The following SPMAP2L variants were observed in gnomAD, a reference collection of about 807,000 sequenced individuals.
SPMAP2L encodes the protein sperm microtubule associated protein 2 like.
At chr4:56,557,419 G>C in the SPMAP2L span, among the ~76,000 whole-genome samples, 5 of 152,182 alleles carry the variant, frequency 3.3e-5, no homozygotes, top group South Asian at 1.0e-3. Context: ...AGAATTTGTG[G>C]TTGGCCAGAT....
the SPMAP2L span, among the ~76,000 whole-genome samples, chr4:56,602,737 T>C: frequency 6.6e-6 from 1 of 152,044 alleles, no homozygotes; most frequent in African/African-American, 2.4e-5. Context: ...GAGAAGAATA[T>C]GATCAAGTGC....
the SPMAP2L span, among the ~76,000 whole-genome samples, chr4:56,554,008 T>G: frequency 1.4e-5 from 2 of 143,004 alleles, no homozygotes; most frequent in Admixed American, 7.0e-5. Context: ...TTTTTTTTTT[T>G]GTCTTGATAG....
the SPMAP2L span, chr4:56,603,273 G>C: frequency 3.3e-6 from 5 of 1,534,750 alleles, no homozygotes; most frequent in East Asian, 1.2e-4. Context: ...TGCTTTGAAA[G>C]CACAGTGTTC....
At chr4:56,561,626 C>T in the SPMAP2L span, among the ~76,000 whole-genome samples, 14 of 152,206 alleles carry the variant, frequency 9.2e-5, no homozygotes, top group Non-Finnish European at 1.6e-4. Flanking sequence ...CACTCACTAC[C>T]GAGAATGGCA....
chr4:56,575,357 A>G, the SPMAP2L span: 1 of 925,578 alleles, frequency 1.1e-6, no homozygotes, highest in Non-Finnish European at 1.5e-6. Context: ...TTCTAAAGCA[A>G]TTAATTTCTC....
At chr4:56,559,373 T>C in the SPMAP2L span, 1 of 1,458,014 alleles carries the variant, frequency 6.9e-7, no homozygotes, top group East Asian at 2.6e-5. Context: ...TACCATTTTA[T>C]CTGTATGCTT....
the SPMAP2L span, among the ~76,000 whole-genome samples, chr4:56,570,310 G>A: frequency 9.2e-5 from 14 of 152,304 alleles, no homozygotes; most frequent in African/African-American, 3.4e-4. Flanking sequence ...CTTAATGACA[G>A]GGCTATGTTC....
the SPMAP2L span, chr4:56,596,780 T>C: frequency 1.1e-6 from 1 of 915,432 alleles, no homozygotes; most frequent in Admixed American, 3.8e-5. Flanking sequence ...AGCTAGATGA[T>C]AGGGAGAGAG....
At chr4:56,564,557 T>C in the SPMAP2L span, among the ~76,000 whole-genome samples, 3 of 152,238 alleles carry the variant, frequency 2.0e-5, no homozygotes, top group Non-Finnish European at 4.4e-5. Context: ...ATTTCTGGTA[T>C]TGGTAGGTTG....
At chr4:56,536,125 T>C in the SPMAP2L span, among the ~76,000 whole-genome samples, 1 of 152,220 alleles carries the variant, frequency 6.6e-6, no homozygotes, top group Non-Finnish European at 1.5e-5. Context: ...CTGTGTAGCC[T>C]GGCTCCTAAC....
At chr4:56,594,997 C>T in the SPMAP2L span, 23 of 1,606,252 alleles carry the variant, frequency 1.4e-5, no homozygotes, top group South Asian at 7.7e-5. Flanking sequence ...CCCGTTTTTG[C>T]CCAATCATCC....
chr4:56,560,222 G>A, the SPMAP2L span, among the ~76,000 whole-genome samples: 1 of 152,156 alleles, frequency 6.6e-6, no homozygotes, highest in Non-Finnish European at 1.5e-5. Flanking sequence ...AGAAGTTCAA[G>A]AGATATCTGA....
chr4:56,601,078 A>G, the SPMAP2L span: 3 of 1,535,202 alleles, frequency 2.0e-6, no homozygotes, highest in Non-Finnish European at 2.6e-6. Context: ...AGCATCACCT[A>G]GGATTCAGGA....
At chr4:56,544,496 A>G in the SPMAP2L span, among the ~76,000 whole-genome samples, 1 of 152,198 alleles carries the variant, frequency 6.6e-6, no homozygotes, top group Admixed American at 6.5e-5. Context: ...AACACAAATC[A>G]GGAATAAACT....
the SPMAP2L span, chr4:56,584,748 C>A: frequency 1.6e-6 from 1 of 645,064 alleles, no homozygotes; most frequent in Non-Finnish European, 2.7e-6. Context: ...CTCTTTCTTC[C>A]ATGCCTAATG....
the SPMAP2L span, among the ~76,000 whole-genome samples, chr4:56,588,203 T>C: frequency 6.6e-6 from 1 of 151,908 alleles, no homozygotes; most frequent in South Asian, 2.1e-4. Flanking sequence ...TTGTTGTAGA[T>C]TCTGCATATT....
the SPMAP2L span, chr4:56,596,525 C>A: frequency 2.6e-6 from 4 of 1,530,998 alleles, no homozygotes; most frequent in Admixed American, 8.0e-5. Flanking sequence ...TCACTTTCTA[C>A]CCTGAGTGCG....
At chr4:56,608,575 C>T in the SPMAP2L span, among the ~76,000 whole-genome samples, 1 of 152,184 alleles carries the variant, frequency 6.6e-6, no homozygotes, top group Non-Finnish European at 1.5e-5. Flanking sequence ...GGGCCCACTT[C>T]CTAGTATTGC....
chr4:56,571,326 C>CTTT, the SPMAP2L span, among the ~76,000 whole-genome samples: 1 of 143,278 alleles, frequency 7.0e-6, no homozygotes, highest in African/African-American at 2.6e-5. Context: ...ACTTTTAAAA[C>CTTT]TTTTTTTTTT....
Sources: allele counts gnomAD v4.1 joint callset (sites outside exome capture counted in the v4.1 genomes callset), GRCh38; gene constraint gnomAD v4.1.1; transcripts MANE v1.5; gene names NCBI Gene and HGNC (gene_info 2026-07-23, HGNC 2026-07-21).